The following UNC13B variants were observed in gnomAD, a reference collection of about 807,000 sequenced individuals.
UNC13B encodes unc-13 homolog B.
UNC13B carries 144 observed loss-of-function variants against 211.0 expected under a neutral mutation model. The ratio of observed to expected loss-of-function variants is 0.68; its 90% CI spans 0.60 to 0.78. UNC13B has a LOEUF of 0.78. Ranked by LOEUF, UNC13B falls within the 30% of genes least tolerant of loss-of-function variation. The pLI, the probability that UNC13B is intolerant of heterozygous loss-of-function variation, is 0.00. For synonymous variants in UNC13B, 709 were observed against 725.8 expected (o/e 0.98, Z 0.37); for missense variants, 1,777 against 2,002.0 (o/e 0.89, Z 2.14).
At chr9:35,162,337 G>C (rs1478417835) in intron 1 of UNC13B, 32 bp downstream of exon 1, 1 of 1,529,586 alleles carries the variant, frequency 6.5e-7, no homozygotes, top group Admixed American at 2.0e-5. Flanking sequence ...GGGAGGCGGG[G>C]TGTCGGCGTA....
At chr9:35,358,087 C>T (rs1286561313) in intron 11 of UNC13B, among the ~76,000 whole-genome samples, 1 of 152,188 alleles carries the variant, frequency 6.6e-6, no homozygotes, top group Non-Finnish European at 1.5e-5. Context: ...AGCGTAATGT[C>T]CTCAAGGTTC....
intron 1 of UNC13B, among the ~76,000 whole-genome samples, chr9:35,182,548 T>C (rs1012308167): frequency 3.9e-5 from 6 of 152,004 alleles, no homozygotes; most frequent in African/African-American, 1.2e-4. Flanking sequence ...CATAGGGTAA[T>C]AGTGGAGAGA....
intron 34 of UNC13B, 27 bp from the exon 35 acceptor site, chr9:35,399,365 C>G: frequency 6.2e-7 from 1 of 1,614,150 alleles, no homozygotes; most frequent in Non-Finnish European, 8.5e-7. Flanking sequence ...GGGTCCTCTG[C>G]TTTTGACTGA....
intron 7 of UNC13B, among the ~76,000 whole-genome samples, chr9:35,271,116 A>T (rs371845727): frequency 1.4e-5 from 2 of 141,046 alleles, no homozygotes; most frequent in East Asian, 4.4e-4. Context: ...TCCAGCCTGG[A>T]TGACAGAGTG....
At chr9:35,192,027 C>T (rs1371542513) in intron 1 of UNC13B, among the ~76,000 whole-genome samples, 3 of 152,168 alleles carry the variant, frequency 2.0e-5, no homozygotes, top group Non-Finnish European at 4.4e-5. Flanking sequence ...ATCCCTTTTG[C>T]CAGTTTGGAT....
intron 26 of UNC13B, among the ~76,000 whole-genome samples, chr9:35,393,299 A>G (rs1432688284): frequency 1.3e-5 from 2 of 152,140 alleles, no homozygotes; most frequent in Non-Finnish European, 2.9e-5. Context: ...GAGGTGATGT[A>G]CAAGCCGAAA....
chr9:35,184,809 G>C (rs963591224), intron 1 of UNC13B, among the ~76,000 whole-genome samples: 3 of 112,794 alleles, frequency 2.7e-5, no homozygotes, highest in African/African-American at 1.0e-4. Flanking sequence ...AGCGGGGGGG[G>C]GGGGGGAGAG....
chr9:35,282,225 A>G (rs1309605379), intron 7 of UNC13B, among the ~76,000 whole-genome samples: 2 of 152,154 alleles, frequency 1.3e-5, no homozygotes, highest in Non-Finnish European at 2.9e-5. Context: ...ACCTTTGCCA[A>G]CCACCCCAGA....
intron 1 of UNC13B, among the ~76,000 whole-genome samples, chr9:35,193,146 C>T (rs924880564): frequency 6.6e-6 from 1 of 152,190 alleles, no homozygotes; most frequent in Admixed American, 6.5e-5. Flanking sequence ...AAAAATGGAT[C>T]TTGGGAGAGA....
intron 9 of UNC13B, 61 bp from the exon 10 acceptor site, chr9:35,310,406 T>C: frequency 1.3e-6 from 2 of 1,537,562 alleles, no homozygotes; most frequent in Non-Finnish European, 1.8e-6. Context: ...ATGTCTCCTT[T>C]CTTTTGTCCT....
Position 35,380,711 on chromosome 9 carries a change from C to T in UNC13B, c.10375+72C>T, listed in dbSNP as rs1587735243. On this transcript the variant is annotated intron_variant, in intron 18 of 39. Transcript: ENST00000635942. ...AGGGGACCTGGGAATAGTCCTTCTA[C>T]CAAAACCACCATCTGTCCCCAAAGC... The T allele has an allele frequency of 3.8e-6, 6 of 1,579,324 alleles. No individual in the cohort carries two copies. In the East Asian group the frequency reaches 1.3e-4, roughly 35 times the overall value.
At chr9:35,176,374 C>A in intron 1 of UNC13B, among the ~76,000 whole-genome samples, 1 of 151,914 alleles carries the variant, frequency 6.6e-6, no homozygotes, top group East Asian at 1.9e-4. Flanking sequence ...ATGACAAAAC[C>A]CCGTCTCTAC....
At chr9:35,381,068 G>A in intron 18 of UNC13B, 32 bp from the exon 19 acceptor site, 1 of 1,591,830 alleles carries the variant, frequency 6.3e-7, no homozygotes, top group Non-Finnish European at 8.6e-7. Context: ...TAGTTGCATT[G>A]GTGTCAATCT....
chr9:35,323,987 C>T (rs1261629616), intron 11 of UNC13B, among the ~76,000 whole-genome samples: 14 of 152,142 alleles, frequency 9.2e-5, no homozygotes, highest in Admixed American at 9.2e-4. Context: ...TTGAATACTA[C>T]TATGTGTAGG....
At chr9:35,394,830 G>C (rs552866840) in intron 26 of UNC13B, among the ~76,000 whole-genome samples, 10 of 152,320 alleles carry the variant, frequency 6.6e-5, no homozygotes, top group Admixed American at 1.3e-4. Context: ...ATAGTTTAAA[G>C]TGTGACCGGT....
chr9:35,231,132 C>T lies in UNC13B; in HGVS notation c.65C>T (p.Thr22Ile), dbSNP rs987366980. The T allele has an allele frequency of 1.7e-5, 27 of 1,610,814 alleles. No individual in the cohort carries two copies. The highest frequency in any genetic ancestry group is 2.0e-5 in the Non-Finnish European group (23 of 1,177,432). Residue 22 changes from threonine to isoleucine, a missense_variant, in exon 3 of 40, where the codon ACA (threonine) becomes ATA (isoleucine). Thr to Ile is a moderately conservative substitution (Grantham distance 89, BLOSUM62 -1). Coordinates refer to ENST00000635942, the MANE Select transcript of UNC13B (RefSeq NM_001371189.2). ...TATTTTTTCAAAGATAAATTTAACA[C>T]ATATGTGACCCTGAAAGTACAGAAT... is the stretch of plus-strand genomic sequence containing the variant. ...KFQGSPDKFNTYVTLKVQNVK... is the reference protein window; with the variant it reads ...KFQGSPDKFNIYVTLKVQNVK...
intron 7 of UNC13B, among the ~76,000 whole-genome samples, chr9:35,284,697 T>C (rs145346870): frequency 3.2e-4 from 49 of 152,338 alleles, no homozygotes; most frequent in African/African-American, 1.1e-3. Flanking sequence ...AGTTCTACAG[T>C]ACTTACCGAA....
chr9:35,367,730 A>G (rs1833866089), intron 12 of UNC13B, among the ~76,000 whole-genome samples: 1 of 151,912 alleles, frequency 6.6e-6, no homozygotes. Flanking sequence ...CCCCTTTCTG[A>G]GCTCTGTATG....
chr9:35,384,682 T>C, intron 22 of UNC13B: 2 of 985,416 alleles, frequency 2.0e-6, no homozygotes, highest in Non-Finnish European at 2.4e-6. Flanking sequence ...TTCCATACTC[T>C]CCTCGTTTTC....
Sources: allele counts gnomAD v4.1 joint callset (sites outside exome capture counted in the v4.1 genomes callset), GRCh38; gene constraint gnomAD v4.1.1; transcripts MANE v1.5; gene names NCBI Gene and HGNC (gene_info 2026-07-23, HGNC 2026-07-21).